Variants in DNAH6 observed in about 807,000 individuals in gnomAD.
DNAH6 encodes dynein axonemal heavy chain 6, also known as axonemal beta dynein heavy chain 6.
A neutral mutation model predicts 491.4 loss-of-function variants in DNAH6; 340 were observed. The ratio of observed to expected loss-of-function variants is 0.69; its 90% confidence interval spans 0.63 to 0.76. The LOEUF (loss-of-function observed/expected upper bound fraction) is 0.76. Ranked by LOEUF, DNAH6 falls within the 30% of genes least tolerant of loss-of-function variation. The pLI, the probability that DNAH6 is intolerant of heterozygous loss-of-function variation, is 0.00. For missense variants in DNAH6, 4,443 were observed against 4,972.2 expected, an observed-to-expected ratio of 0.89 and a Z score of 3.20; for synonymous variants, 1,603 against 1,686.1, an observed-to-expected ratio of 0.95 and a Z score of 1.21.
intron 33 of DNAH6, among the ~76,000 whole-genome samples, chr2:84,644,372 T>G (rs181151217): frequency 5.6e-4 from 85 of 152,276 alleles, no homozygotes; most frequent in African/African-American, 1.4e-3. Context: ...TCTTTTCCCC[T>G]CCCCTGACAG....
chr2:84,490,458 A>G, the DNAH6 span, among the ~76,000 whole-genome samples: 1 of 152,114 alleles, frequency 6.6e-6, no homozygotes, highest in African/African-American at 2.4e-5. Flanking sequence ...CCATGCTTCA[A>G]TGAAGTCAAC....
intron 41 of DNAH6, among the ~76,000 whole-genome samples, chr2:84,677,782 G>T (rs1693391727): frequency 6.6e-6 from 1 of 152,224 alleles, no homozygotes; most frequent in South Asian, 2.1e-4. Context: ...TAACCAACCT[G>T]CAAAGGTTGC....
At chr2:84,813,369 G>C (rs1340399892) in intron 74 of DNAH6, among the ~76,000 whole-genome samples, 1 of 152,184 alleles carries the variant, frequency 6.6e-6, no homozygotes, top group African/African-American at 2.4e-5. Flanking sequence ...ATAAGTGCAG[G>C]CACTGCTGCC....
At chr2:84,819,280 CTT>C in intron 76 of DNAH6, 23 bp from the exon 77 acceptor site, 1 of 1,487,660 alleles carries the variant, frequency 6.7e-7, no homozygotes, top group East Asian at 2.5e-5. Context: ...AAGTAACAAC[CTT>C]TTTTTCCTAT....
chr2:84,688,177 G>A (rs1694467949), intron 44 of DNAH6, among the ~76,000 whole-genome samples: 1 of 150,830 alleles, frequency 6.6e-6, no homozygotes, highest in African/African-American at 2.5e-5. Context: ...GAAGGTTGTG[G>A]TGAGCTGAGA....
intron 70 of DNAH6, 113 bp downstream of exon 70, chr2:84,797,771 A>T: frequency 3.1e-6 from 3 of 964,616 alleles, no homozygotes; most frequent in Non-Finnish European, 4.5e-6. Flanking sequence ...TAAACAAATA[A>T]AATAATTGTT....
intron 42 of DNAH6, 54 bp downstream of exon 42, chr2:84,681,582 G>A (rs1573467156): frequency 7.1e-7 from 1 of 1,406,068 alleles, no homozygotes; most frequent in East Asian, 2.7e-5. Context: ...TTTTCCATTG[G>A]CCCCCAAATA....
intron 3 of DNAH6, among the ~76,000 whole-genome samples, chr2:84,526,122 G>A (rs1676581606): frequency 6.6e-6 from 1 of 152,136 alleles, no homozygotes; most frequent in African/African-American, 2.4e-5. Flanking sequence ...TGTAGCTGGT[G>A]AGAGTTGTAG....
At chr2:84,787,810 A>G (rs1262371874) in intron 68 of DNAH6, among the ~76,000 whole-genome samples, 1 of 152,064 alleles carries the variant, frequency 6.6e-6, no homozygotes, top group South Asian at 2.1e-4. Context: ...AAAAGGAAAA[A>G]CCTTTCAGGA....
intron 43 of DNAH6, among the ~76,000 whole-genome samples, chr2:84,685,748 G>A (rs1005982647): frequency 1.3e-5 from 2 of 151,910 alleles, no homozygotes; most frequent in Non-Finnish European, 2.9e-5. Context: ...TCAGGAGTTC[G>A]AGACCAGCCT....
chr2:84,699,476 T>A, intron 47 of DNAH6, 118 bp from the exon 48 acceptor site: 3 of 846,486 alleles, frequency 3.5e-6, no homozygotes, highest in Non-Finnish European at 5.3e-6. Flanking sequence ...AATTTACATA[T>A]CTACTATGCT....
At chr2:84,571,710 A>G in intron 11 of DNAH6, among the ~76,000 whole-genome samples, 1 of 151,758 alleles carries the variant, frequency 6.6e-6, no homozygotes, top group East Asian at 1.9e-4. Flanking sequence ...TCAGGAGTTC[A>G]AGAGCAGCCT....
chr2:84,677,075 G>A lies in DNAH6; in HGVS notation c.6683G>A (p.Arg2228Lys). ...AACCCTGTGACTCCCCGCTTCATCA[G>A]ACACTTCAGCATGCTGTGCCTCCCA... Reference protein sequence around the residue: ...GRNPVTPRFIRHFSMLCLPMP... With the variant: ...GRNPVTPRFIKHFSMLCLPMP... Residue 2228 changes from arginine (R) to lysine (K), a missense_variant, in exon 41 of 77, where the codon AGA becomes AAA. Around this residue, in one of 3 missense-constraint regions of DNAH6, gnomAD observed 2,977 missense variants for 3,296.6 expected, o/e 0.90. Coordinates refer to ENST00000389394, the MANE Select transcript of DNAH6 (RefSeq NM_001370.2). 1 of 1,551,756 alleles carries A rather than the reference G, an allele frequency of 6.4e-7. No homozygotes were observed. Among genetic ancestry groups the A allele is most frequent in the Non-Finnish European group, 8.7e-7 (1 of 1,146,990 alleles).
Position 84,796,367 on chromosome 2 carries a change from C to T in DNAH6, c.11301C>T (p.Ile3767=), listed in dbSNP as rs552923966. 1.3e-6 allele frequency: 2 copies of T among 1,523,338 alleles called. No individual in the cohort carries two copies. The highest frequency in any genetic ancestry group is 1.8e-6 in the Non-Finnish European group (2 of 1,128,696). 94.4% of individuals were successfully genotyped at this position (1,523,338 alleles called of 1,614,324 possible). The change falls in exon 69 of 77, where the codon ATC becomes ATT. Residue 3767 remains isoleucine (I), a synonymous_variant. Coordinates refer to ENST00000389394, the MANE Select transcript of DNAH6 (RefSeq NM_001370.2). ...DSWDQRCLRT[I]LKRFFSPETL... Reference sequence around the variant, plus strand: ...GGGACCAAAGATGCCTTCGTACTATCTTGAAAAGATTTTTTTCTCCTGAAA... The same window carrying T: ...GGGACCAAAGATGCCTTCGTACTATTTTGAAAAGATTTTTTTCTCCTGAAA...
chr2:84,553,370 TTTCTTTC>T (rs575966999), intron 10 of DNAH6, among the ~76,000 whole-genome samples: 3 of 10,830 alleles, frequency 2.8e-4, no homozygotes, highest in South Asian at 2.3e-3. Context: ...TTTTCTTTTC[TTTCTTTC>T]TTTCTTTCTT....
intron 46 of DNAH6, 21 bp from the exon 47 acceptor site, chr2:84,697,554 G>T: frequency 6.5e-7 from 1 of 1,534,026 alleles, no homozygotes; most frequent in Non-Finnish European, 8.8e-7. Flanking sequence ...AAGTTGTAAT[G>T]ATCACTGCTT....
At chr2:84,621,826 C>T in intron 26 of DNAH6, among the ~76,000 whole-genome samples, 1 of 152,212 alleles carries the variant, frequency 6.6e-6, no homozygotes, top group East Asian at 1.9e-4. Flanking sequence ...TTGTTTGCAA[C>T]TTTTAAGGAC....
At chr2:84,543,466 T>C (rs1678462103) in intron 4 of DNAH6, among the ~76,000 whole-genome samples, 2 of 152,220 alleles carry the variant, frequency 1.3e-5, no homozygotes, top group Admixed American at 1.3e-4. Context: ...CTATATCATA[T>C]TTCACACTTG....
intron 64 of DNAH6, among the ~76,000 whole-genome samples, chr2:84,764,169 C>T (rs1674853611): frequency 6.6e-6 from 1 of 152,154 alleles, no homozygotes; most frequent in Admixed American, 6.6e-5. Flanking sequence ...ATATCTCATG[C>T]CTCAGACAAG....
Sources: allele counts gnomAD v4.1 joint callset (sites outside exome capture counted in the v4.1 genomes callset), GRCh38; gene constraint gnomAD v4.1.1; regional missense constraint gnomAD v4.1.1; transcripts MANE v1.5; gene names NCBI Gene and HGNC (gene_info 2026-07-23, HGNC 2026-07-21).